TSPAN18: variants seen among roughly 807,000 people sequenced by gnomAD.
TSPAN18 encodes tetraspanin-18.
TSPAN18 carries 14 observed loss-of-function variants against 27.3 expected under a neutral mutation model. That is an observed-to-expected ratio of 0.51 (90% CI 0.34 to 0.80). TSPAN18 has a LOEUF of 0.80. TSPAN18 is among the 30% of genes least tolerant of loss of function. The pLI is 0.01. For missense variants in TSPAN18, 268 were observed against 323.9 expected, an observed-to-expected ratio of 0.83 and a Z score of 1.32; for synonymous variants, 143 against 136.5, an observed-to-expected ratio of 1.05 and a Z score of -0.33.
intron 2 of TSPAN18, among the ~76,000 whole-genome samples, chr11:44,773,332 C>T (rs1414097100): frequency 1.3e-5 from 2 of 151,952 alleles, no homozygotes; most frequent in Non-Finnish European, 2.9e-5. Context: ...AGGAGAATTG[C>T]TTGAACCTGG....
chr11:44,881,359 G>A (rs543743055), intron 3 of TSPAN18, among the ~76,000 whole-genome samples: 57 of 152,180 alleles, frequency 3.7e-4, no homozygotes, highest in Admixed American at 1.5e-3. Flanking sequence ...CTCAGCCGCC[G>A]CCCCTGAACA....
chr11:44,899,273 G>C (rs1288110726), intron 3 of TSPAN18, among the ~76,000 whole-genome samples: 1 of 152,220 alleles, frequency 6.6e-6, no homozygotes, highest in Non-Finnish European at 1.5e-5. Context: ...TACAGACATG[G>C]TGGCCAGATA....
rs973880509 is a variant in TSPAN18, at chr11:44,856,007, C to T, written c.-152-4321C>T. ...AAGTGATTCTTCTGCCTCAGCCTCCCGAGTAGCTGGGACTACCAGTTGTGT... is the reference window on the plus strand; with the variant it reads ...AAGTGATTCTTCTGCCTCAGCCTCCTGAGTAGCTGGGACTACCAGTTGTGT... On this transcript the variant is annotated intron_variant, in intron 2 of 9. Coordinates refer to ENST00000520358, the MANE Select transcript of TSPAN18 (RefSeq NM_130783.5). 3.3e-5 allele frequency among the ~76,000 whole-genome samples: 5 copies of T among 151,948 alleles called. No homozygotes were observed. In the South Asian group the frequency reaches 6.2e-4, roughly 19 times the overall value.
intron 4 of TSPAN18, chr11:44,909,459 G>T: frequency 2.0e-6 from 1 of 508,304 alleles, no homozygotes; most frequent in South Asian, 3.2e-5. Context: ...CCGAGGTGGG[G>T]CTTGGGTCGG....
chr11:44,764,717 G>A (rs1035510743), intron 2 of TSPAN18, among the ~76,000 whole-genome samples: 5 of 152,154 alleles, frequency 3.3e-5, no homozygotes, highest in Admixed American at 6.5e-5. Context: ...TGAGGGCAAC[G>A]GGGCCACCTT....
chr11:44,895,087 T>C (rs931975329), intron 3 of TSPAN18, among the ~76,000 whole-genome samples: 1 of 152,218 alleles, frequency 6.6e-6, no homozygotes, highest in African/African-American at 2.4e-5. Flanking sequence ...GAGAAAGGTA[T>C]AGTGGAGTCT....
In TSPAN18 at chr11:44,759,235, C is replaced by A. The variant is rs531797999; in HGVS notation, c.-239-5191C>A. On this transcript the variant is annotated intron_variant, in intron 1 of 9. Transcript: ENST00000520358. ...TGTGGCACTGTTTAATTCTTCAGCA[C>A]CTGGGTCAGCAAAGGCCAAGACAAG... 8.5e-5 allele frequency among the ~76,000 whole-genome samples: 13 copies of A among 152,296 alleles called. No homozygotes were observed. The East Asian group carries it at 2.1e-3, about 25-fold the overall frequency.
intron 3 of TSPAN18, among the ~76,000 whole-genome samples, chr11:44,861,793 T>TCACACACACA (rs56816197): frequency 6.7e-4 from 89 of 132,138 alleles, no homozygotes; most frequent in East Asian, 9.1e-4. Flanking sequence ...AGCCCAAATT[T>TCACACACACA]CACACACACA....
intron 3 of TSPAN18, among the ~76,000 whole-genome samples, chr11:44,890,295 A>C (rs1858801317): frequency 6.6e-6 from 1 of 152,248 alleles, no homozygotes; most frequent in African/African-American, 2.4e-5. Flanking sequence ...TTATAACTTC[A>C]CTTTAACGTT....
chr11:44,901,328 A>G (rs1859255751), intron 3 of TSPAN18: 1 of 152,234 alleles, frequency 6.6e-6, no homozygotes, highest in South Asian at 2.1e-4. Flanking sequence ...TCTGCAATGA[A>G]TGTGGTACAC....
At chr11:44,925,682 T>C (rs1860327021) in intron 8 of TSPAN18, 1 of 152,192 alleles carries the variant, frequency 6.6e-6, no homozygotes, top group African/African-American at 2.4e-5. Flanking sequence ...GGGCATGATC[T>C]CTCCACCCCC....
chr11:44,807,561 A>AAAGAATAG (rs1348573830), intron 2 of TSPAN18, among the ~76,000 whole-genome samples: 1 of 151,834 alleles, frequency 6.6e-6, no homozygotes, highest in Non-Finnish European at 1.5e-5. Context: ...AGAAAAGAAA[A>AAAGAATAG]AAGAATAGCA....
intron 3 of TSPAN18, among the ~76,000 whole-genome samples, chr11:44,861,864 T>C (rs370266350): frequency 4.8e-5 from 7 of 145,488 alleles, no homozygotes; most frequent in African/African-American, 1.5e-4. Context: ...GATCTGAGAG[T>C]GGTACTTCAC....
At chr11:44,738,296 C>A (rs1854846447) in intron 1 of TSPAN18, among the ~76,000 whole-genome samples, 2 of 152,154 alleles carry the variant, frequency 1.3e-5, no homozygotes, top group Admixed American at 6.5e-5. Flanking sequence ...CAGGCCCTCA[C>A]AAATCAGATC....
intron 3 of TSPAN18, among the ~76,000 whole-genome samples, chr11:44,893,217 G>A (rs546017683): frequency 6.6e-6 from 1 of 152,358 alleles, no homozygotes; most frequent in East Asian, 1.9e-4. Flanking sequence ...GACTAGAGAG[G>A]GGTCCTTCCC....
intron 3 of TSPAN18, among the ~76,000 whole-genome samples, chr11:44,905,188 G>A (rs1222417056): frequency 2.0e-5 from 3 of 152,112 alleles, no homozygotes; most frequent in Non-Finnish European, 4.4e-5. Flanking sequence ...GTCAGACTTA[G>A]CAACCTTATT....
intron 2 of TSPAN18, among the ~76,000 whole-genome samples, chr11:44,777,305 T>C (rs925748117): frequency 6.6e-6 from 1 of 152,056 alleles, no homozygotes; most frequent in Admixed American, 6.5e-5. Flanking sequence ...TATGGGGGAT[T>C]GGGTTGGGGG....
intron 2 of TSPAN18, among the ~76,000 whole-genome samples, chr11:44,803,237 A>G (rs890837921): frequency 1.3e-5 from 2 of 152,164 alleles, no homozygotes; most frequent in Non-Finnish European, 2.9e-5. Context: ...AGAAGCCAAG[A>G]AAGGATTTAC....
chr11:44,920,019 G>C lies in TSPAN18; in HGVS notation c.615+20G>C, dbSNP rs1229886832. ...AAGCAGGTACTGGCCCTGCTCTCCA[G>C]ACAGGGGAGTGGGTCTATCGGGATT... is the stretch of plus-strand genomic sequence containing the variant. On this transcript the variant is annotated intron_variant, in intron 8 of 9. Transcript: ENST00000520358. 20 of 1,606,202 alleles carry C rather than the reference G, an allele frequency of 1.2e-5. No individual in the cohort carries two copies. Among genetic ancestry groups the C allele is most frequent in the Non-Finnish European group, 1.6e-5 (19 of 1,175,482 alleles).
Sources: allele counts gnomAD v4.1 joint callset (sites outside exome capture counted in the v4.1 genomes callset), GRCh38; gene constraint gnomAD v4.1.1; transcripts MANE v1.5; gene names NCBI Gene and HGNC (gene_info 2026-07-23, HGNC 2026-07-21).